The following PCDH7 variants were observed in gnomAD, a reference collection of about 807,000 sequenced individuals.
The protein encoded by PCDH7 is protocadherin 7.
A neutral mutation model predicts 58.9 loss-of-function variants in PCDH7; 17 were observed. The ratio of observed to expected loss-of-function variants is 0.29; its 90% CI spans 0.20 to 0.43. PCDH7 has a LOEUF of 0.43. PCDH7 is among the 20% of genes least tolerant of loss of function. The probability of loss-of-function intolerance (pLI) is 1.00; values close to 1 mark genes in which losing one functional copy is unlikely to be tolerated. For synonymous variants in PCDH7, 664 were observed against 616.4 expected (o/e 1.08, Z -1.14); for missense variants, 1,274 against 1,441.0 (o/e 0.88, Z 1.88).
intron 3 of PCDH7, among the ~76,000 whole-genome samples, chr4:30,956,973 T>C (rs1747924210): frequency 6.6e-6 from 1 of 152,184 alleles, no homozygotes; most frequent in Non-Finnish European, 1.5e-5. Context: ...TCGGCATCCC[T>C]TTGTAAAGCT....
At chr4:30,808,352 A>AAAAT (rs1347405116) in intron 1 of PCDH7, among the ~76,000 whole-genome samples, 3 of 152,218 alleles carry the variant, frequency 2.0e-5, no homozygotes, top group African/African-American at 7.2e-5. Flanking sequence ...ATAAAACCAA[A>AAAAT]AAATAAATAA....
At chr4:31,124,564 C>T (rs1303567207) in intron 3 of PCDH7, among the ~76,000 whole-genome samples, 1 of 152,204 alleles carries the variant, frequency 6.6e-6, no homozygotes, top group Non-Finnish European at 1.5e-5. Flanking sequence ...CTACTACCTT[C>T]TTACCTCACT....
At chr4:30,896,956 G>A (rs1020939377) in intron 1 of PCDH7, among the ~76,000 whole-genome samples, 1 of 123,936 alleles carries the variant, frequency 8.1e-6, no homozygotes, top group African/African-American at 3.1e-5. Context: ...CCAGGCTGGA[G>A]TGCAGTGGCA....
At chr4:30,837,259 T>C (rs945489286) in intron 1 of PCDH7, among the ~76,000 whole-genome samples, 3 of 152,060 alleles carry the variant, frequency 2.0e-5, no homozygotes, top group African/African-American at 7.2e-5. Context: ...CCACCTGCAG[T>C]GTGTGGTAAT....
chr4:30,917,995 T>G (rs1742697959), intron 1 of PCDH7, among the ~76,000 whole-genome samples: 1 of 152,188 alleles, frequency 6.6e-6, no homozygotes, highest in African/African-American at 2.4e-5. Flanking sequence ...TCTTATGTAT[T>G]TCTGTATTCA....
At chr4:30,966,434 C>T (rs1166989843) in intron 3 of PCDH7, among the ~76,000 whole-genome samples, 3 of 152,038 alleles carry the variant, frequency 2.0e-5, no homozygotes, top group Non-Finnish European at 4.4e-5. Context: ...ATTTACTATC[C>T]ATAAAGTGTT....
chr4:30,751,375 A>C (rs144721629), intron 1 of PCDH7, among the ~76,000 whole-genome samples: 1 of 152,184 alleles, frequency 6.6e-6, no homozygotes, highest in African/African-American at 2.4e-5. Context: ...TTTTGATTGG[A>C]GTGATATAGG....
chr4:30,790,956 C>CAATA (rs925468587), intron 1 of PCDH7, among the ~76,000 whole-genome samples: 146 of 151,840 alleles, frequency 9.6e-4, no homozygotes, highest in African/African-American at 3.3e-3. Context: ...AAACAAAAAA[C>CAATA]AATAAATAAA....
At chr4:30,856,233 T>C (rs963976548) in intron 1 of PCDH7, among the ~76,000 whole-genome samples, 4 of 152,268 alleles carry the variant, frequency 2.6e-5, no homozygotes, top group African/African-American at 7.2e-5. Flanking sequence ...CACTCTCTTT[T>C]TCTATCTTTG....
chr4:31,107,574 T>C (rs1715735133), intron 3 of PCDH7, among the ~76,000 whole-genome samples: 1 of 152,204 alleles, frequency 6.6e-6, no homozygotes, highest in South Asian at 2.1e-4. Flanking sequence ...GTCAGTATAA[T>C]ATTCCTCTGA....
chr4:30,962,414 C>T (rs1336904759), intron 3 of PCDH7, among the ~76,000 whole-genome samples: 1 of 152,014 alleles, frequency 6.6e-6, no homozygotes, highest in African/African-American at 2.4e-5. Flanking sequence ...TATTTAAAGC[C>T]TATGTGTACT....
At chr4:31,096,379 GA>G (rs1030805465) in intron 3 of PCDH7, among the ~76,000 whole-genome samples, 41 of 152,072 alleles carry the variant, frequency 2.7e-4, no homozygotes, top group African/African-American at 8.9e-4. Context: ...ATCTGGAGGG[GA>G]AAAAAATTAG....
At chr4:30,741,434 T>A (rs1283394902) in intron 1 of PCDH7, among the ~76,000 whole-genome samples, 1 of 152,014 alleles carries the variant, frequency 6.6e-6, no homozygotes, top group African/African-American at 2.4e-5. Context: ...TGTTAAGCCA[T>A]CTGCCCGCCT....
intron 1 of PCDH7, among the ~76,000 whole-genome samples, chr4:30,810,454 C>T (rs1726828645): frequency 6.6e-6 from 1 of 150,912 alleles, no homozygotes; most frequent in Non-Finnish European, 1.5e-5. Context: ...CTTTTCTACT[C>T]ATTGGAAATA....
intron 1 of PCDH7, among the ~76,000 whole-genome samples, chr4:30,836,239 A>G (rs1730465176): frequency 6.6e-6 from 1 of 152,210 alleles, no homozygotes; most frequent in Non-Finnish European, 1.5e-5. Context: ...GAAATAAACA[A>G]GATAAATAAG....
chr4:30,863,285 A>G lies in PCDH7; in HGVS notation c.71-56868A>G, dbSNP rs539187580. Among the ~76,000 whole-genome samples the G allele has an allele frequency of 7.2e-5, 11 of 152,104 alleles. No individual in the cohort carries two copies. The East Asian group carries it at 1.9e-3, about 27-fold the overall frequency. Reference sequence around the variant, plus strand: ...ATTCTTTCTTCTGTAATCTCAAACCACTGAATGTGGCTATAATATAGTTGT... The same window carrying G: ...ATTCTTTCTTCTGTAATCTCAAACCGCTGAATGTGGCTATAATATAGTTGT... On this transcript the variant is annotated intron_variant, in intron 1 of 3. Coordinates refer to the PCDH7 transcript ENST00000509759.
chr4:30,734,902 G>T (rs973533933), downstream of PCDH7, among the ~76,000 whole-genome samples: 7 of 152,084 alleles, frequency 4.6e-5, no homozygotes, highest in African/African-American at 1.7e-4. Flanking sequence ...TGCTGGGTGG[G>T]TGTCTCCAAG....
At chr4:30,989,305 TTC>T (rs1424286361) in intron 3 of PCDH7, among the ~76,000 whole-genome samples, 2 of 152,196 alleles carry the variant, frequency 1.3e-5, no homozygotes, top group Non-Finnish European at 2.9e-5. Context: ...TTTTTTCTCT[TTC>T]TCTTTTTAAA....
chr4:31,141,021 C>T (rs990527864), intron 3 of PCDH7, among the ~76,000 whole-genome samples: 1 of 152,104 alleles, frequency 6.6e-6, no homozygotes, highest in South Asian at 2.1e-4. Flanking sequence ...GATGGGCCGA[C>T]AAATGTCAAT....
Sources: gnomAD v4.1 joint callset for allele counts (sites outside exome capture counted in the v4.1 genomes callset) on GRCh38, gnomAD v4.1.1 for gene constraint, MANE v1.5 for transcripts, NCBI Gene and HGNC (gene_info 2026-07-23, HGNC 2026-07-21) for gene names.